The following RAPGEF5 variants were observed in gnomAD, a reference collection of about 807,000 sequenced individuals.
RAPGEF5 encodes the protein Rap guanine nucleotide exchange factor 5.
Under a neutral mutation model 125.2 loss-of-function variants are expected in RAPGEF5, and 65 were observed. The ratio of observed to expected loss-of-function variants is 0.52; its 90% CI spans 0.43 to 0.64. The LOEUF (loss-of-function observed/expected upper bound fraction) is 0.64. Among genes scored for constraint, RAPGEF5 ranks in the 30% least tolerant of loss-of-function variants. The probability of loss-of-function intolerance (pLI) is 0.00; values close to 1 mark genes in which losing one functional copy is unlikely to be tolerated. For synonymous variants in RAPGEF5, 391 were observed against 385.9 expected (o/e 1.01, Z -0.16); for missense variants, 958 against 1,048.1 (o/e 0.91, Z 1.19).
intron 14 of RAPGEF5, among the ~76,000 whole-genome samples, chr7:22,158,464 G>A (rs1335949049): frequency 2.0e-5 from 3 of 152,018 alleles, no homozygotes; most frequent in Non-Finnish European, 4.4e-5. Flanking sequence ...ACATCATTAG[G>A]TGAACTATAA....
chr7:22,127,475 G>A (rs10260018), intron 24 of RAPGEF5, among the ~76,000 whole-genome samples: 80,078 of 152,110 alleles, frequency 0.53, 22,446 homozygotes, highest in Non-Finnish European at 0.62. Context: ...AAGCATATAC[G>A]TATATGCCAT....
chr7:22,315,114 G>A (rs1347568741), intron 3 of RAPGEF5, among the ~76,000 whole-genome samples: 1 of 152,146 alleles, frequency 6.6e-6, no homozygotes, highest in Non-Finnish European at 1.5e-5. Context: ...AGGAAGCAGA[G>A]CAGAGACTCT....
intron 6 of RAPGEF5, among the ~76,000 whole-genome samples, chr7:22,278,730 G>A (rs997487414): frequency 3.4e-5 from 5 of 148,702 alleles, no homozygotes; most frequent in African/African-American, 1.0e-4. Context: ...CACCTACTTC[G>A]GTTCCATACT....
At chr7:22,326,285 C>T (rs1433228673) in intron 1 of RAPGEF5, among the ~76,000 whole-genome samples, 1 of 152,154 alleles carries the variant, frequency 6.6e-6, no homozygotes, top group East Asian at 1.9e-4. Context: ...GGTCACCAGG[C>T]CTTCCTCTAA....
chr7:22,299,519 T>G (rs1212562830), intron 5 of RAPGEF5, among the ~76,000 whole-genome samples: 1 of 152,210 alleles, frequency 6.6e-6, no homozygotes, highest in East Asian at 1.9e-4. Context: ...ATATATATTT[T>G]AAAGAAATAA....
intron 6 of RAPGEF5, among the ~76,000 whole-genome samples, chr7:22,274,397 A>G (rs1782508992): frequency 6.6e-6 from 1 of 152,070 alleles, no homozygotes; most frequent in South Asian, 2.1e-4. Flanking sequence ...TGGTCCAATC[A>G]TGGCTCACTG....
At chr7:22,341,195 C>T (rs1244144493) in intron 1 of RAPGEF5, among the ~76,000 whole-genome samples, 1 of 152,190 alleles carries the variant, frequency 6.6e-6, no homozygotes, top group Non-Finnish European at 1.5e-5. Flanking sequence ...AGGTGAAAGG[C>T]ACATCTCACA....
At chr7:22,131,237 T>C in intron 23 of RAPGEF5, 136 bp from the exon 24 acceptor site, 2 of 1,154,500 alleles carry the variant, frequency 1.7e-6, no homozygotes, top group Non-Finnish European at 1.2e-6. Context: ...GGAGAGGCAA[T>C]TTGAAATTGG....
intron 2 of RAPGEF5, among the ~76,000 whole-genome samples, chr7:22,317,316 CT>C (rs1783623769): frequency 6.6e-6 from 1 of 150,604 alleles, no homozygotes; most frequent in African/African-American, 2.4e-5. Flanking sequence ...TCTCAGCTCA[CT>C]GCAAGCTCCG....
chr7:22,254,867 C>T lies in RAPGEF5; in HGVS notation c.796+12097G>A, dbSNP rs1366123445. ...GTCGCGCACCTGTGAAAATCGAATGCTGCCACTGATCTGACAGGTGGTGGA... is the reference window on the plus strand; with the variant it reads ...GTCGCGCACCTGTGAAAATCGAATGTTGCCACTGATCTGACAGGTGGTGGA... On this transcript the variant is annotated intron_variant, in intron 7 of 25. Coordinates refer to ENST00000665637, the MANE Select transcript of RAPGEF5 (RefSeq NM_012294.5). Among the ~76,000 whole-genome samples the T allele has an allele frequency of 8.5e-5, 13 of 152,258 alleles. No homozygotes were observed. The South Asian group carries it at 2.1e-3, about 24-fold the overall frequency.
chr7:22,280,019 G>A lies in RAPGEF5; in HGVS notation c.747+11156C>T, dbSNP rs183649395. On this transcript the variant is annotated intron_variant, in intron 6 of 25. Coordinates refer to ENST00000665637, the MANE Select transcript of RAPGEF5 (RefSeq NM_012294.5). ...TTGGGTATAGGTCATTTTGGAAACA[G>A]GCCTCCCGAAAAGGTAGGGTGACCC... 4.6e-4 allele frequency among the ~76,000 whole-genome samples: 70 copies of A among 152,232 alleles called. 1 individual carries two copies. Among genetic ancestry groups the A allele is most frequent in the Non-Finnish European group, 8.8e-5 (6 of 68,004 alleles).
intron 1 of RAPGEF5, among the ~76,000 whole-genome samples, chr7:22,339,896 A>C (rs1191104803): frequency 2.0e-5 from 3 of 152,230 alleles, no homozygotes; most frequent in African/African-American, 4.8e-5. Context: ...AGCAATCAAC[A>C]CATTTGTAAC....
intron 9 of RAPGEF5, among the ~76,000 whole-genome samples, chr7:22,197,637 GTATCCT>G (rs1164284007): frequency 6.6e-6 from 1 of 152,030 alleles, no homozygotes; most frequent in African/African-American, 2.4e-5. Flanking sequence ...AGCACCACAT[GTATCCT>G]TATAATTCAG....
chr7:22,142,114 G>T (rs1049679305), intron 20 of RAPGEF5, among the ~76,000 whole-genome samples: 8 of 152,174 alleles, frequency 5.3e-5, no homozygotes, highest in Admixed American at 3.3e-4. Context: ...TGGTCAGTAA[G>T]AACTGTTCCA....
At chr7:22,318,138 G>GAAAAA in intron 1 of RAPGEF5, 101 bp from the exon 2 acceptor site, 2 of 701,992 alleles carry the variant, frequency 2.8e-6, no homozygotes, top group South Asian at 3.0e-5. Context: ...CCTCTGCTAT[G>GAAAAA]AAAAAAAAAA....
intron 7 of RAPGEF5, among the ~76,000 whole-genome samples, chr7:22,264,519 C>T (rs1782235905): frequency 6.6e-6 from 1 of 152,154 alleles, no homozygotes; most frequent in African/African-American, 2.4e-5. Flanking sequence ...TCTTCATCTC[C>T]CTCCACCTCC....
intron 6 of RAPGEF5, among the ~76,000 whole-genome samples, chr7:22,271,648 T>C (rs927064961): frequency 7.9e-5 from 12 of 152,200 alleles, no homozygotes; most frequent in Admixed American, 3.9e-4. Flanking sequence ...GCCTTGTAAA[T>C]GTCTAAATAG....
intron 7 of RAPGEF5, among the ~76,000 whole-genome samples, chr7:22,245,665 G>GA (rs536989499): frequency 7.6e-4 from 115 of 152,018 alleles, no homozygotes; most frequent in African/African-American, 2.7e-3. Context: ...CATAAACTGA[G>GA]AAAACCATAG....
At chr7:22,145,484 T>C (rs35841566) in intron 19 of RAPGEF5, among the ~76,000 whole-genome samples, 2,653 of 152,346 alleles carry the variant, frequency 0.017, 44 homozygotes, top group Admixed American at 0.054. Flanking sequence ...ATCTAAGATA[T>C]CCTGAAGTTT....
Sources: gnomAD v4.1 joint callset for allele counts (sites outside exome capture counted in the v4.1 genomes callset) on GRCh38, gnomAD v4.1.1 for gene constraint, MANE v1.5 for transcripts, NCBI Gene and HGNC (gene_info 2026-07-23, HGNC 2026-07-21) for gene names.